The following CDA variants were observed in gnomAD, a reference collection of about 807,000 sequenced individuals.
The protein encoded by CDA is cytidine deaminase.
A neutral mutation model predicts 15.0 loss-of-function variants in CDA; 7 were observed. The observed-to-expected ratio is 0.47, with a 90% CI of 0.26 to 0.87. The LOEUF (loss-of-function observed/expected upper bound fraction) is 0.87. Ranked by LOEUF, CDA falls within the 40% of genes least tolerant of loss-of-function variation. The pLI, the probability that CDA is intolerant of heterozygous loss-of-function variation, is 0.15. For synonymous variants in CDA, 58 were observed against 73.0 expected, an observed-to-expected ratio of 0.79 and a Z score of 1.05; for missense variants, 159 against 182.7, an observed-to-expected ratio of 0.87 and a Z score of 0.75.
rs528943774 is a variant in CDA, at chr1:20,605,290, C to T, written c.266+251C>T. On this transcript the variant is annotated intron_variant, in intron 2 of 3. Transcript: ENST00000375071. ...CTCTCATACAAGGGCCAGTATGCCC[C>T]TGTTCCAGCAACACAACGTGATACA... Among the ~76,000 whole-genome samples the T allele has an allele frequency of 1.3e-4, 20 of 152,160 alleles. 1 individual carries two copies. The South Asian group carries it at 4.2e-3, about 32-fold the overall frequency.
intron 1 of CDA, among the ~76,000 whole-genome samples, chr1:20,600,110 G>GT (rs1415034269): frequency 2.6e-5 from 4 of 152,146 alleles, no homozygotes; most frequent in African/African-American, 9.7e-5. Context: ...CCTATTACAT[G>GT]TTTTACACAA....
At position 20,618,514 on chromosome 1, in the gene CDA, C is replaced by A; in HGVS notation, c.387C>A (p.Val129=). The A allele has an allele frequency of 6.2e-7, 1 of 1,613,698 alleles. No individual in the cohort carries two copies. Among genetic ancestry groups the A allele is most frequent in the South Asian group, 1.1e-5 (1 of 91,066 alleles). Residue 129 remains valine, a synonymous_variant, in exon 4 of 4, where the codon GTC becomes GTA. Coordinates refer to ENST00000375071, the MANE Select transcript of CDA (RefSeq NM_001785.3). ...KPDGTYIVMT[V]QELLPSSFGP... The stretch of plus-strand genomic sequence containing the variant: ...ATGGTACGTATATTGTCATGACGGT[C>A]CAGGAGCTGCTGCCCTCCTCCTTTG...
At position 20,589,098 on chromosome 1, in the gene CDA, C is replaced by T; in HGVS notation, c.-32C>T. The T allele has an allele frequency of 6.7e-7, 1 of 1,490,840 alleles. No homozygotes were observed. Among genetic ancestry groups the T allele is most frequent in the Non-Finnish European group, 8.9e-7 (1 of 1,125,726 alleles). 92.4% of individuals were successfully genotyped at this position (1,490,840 alleles called of 1,614,324 possible). On this transcript the variant is annotated 5_prime_UTR_variant, in exon 1 of 4. Transcript: ENST00000375071. ...CCAGGCTGGCCGGAGCTCCTGTTTC[C>T]CGCTGCTCTGCTGCCTGCCCGGGGT...
chr1:20,596,667 G>A (rs2052593720), intron 1 of CDA, among the ~76,000 whole-genome samples: 1 of 151,992 alleles, frequency 6.6e-6, no homozygotes, highest in Non-Finnish European at 1.5e-5. Flanking sequence ...TCAGAAAAGA[G>A]AGTGGGTGCA....
At chr1:20,605,164 C>T (rs1425766221) in intron 2 of CDA, 125 bp downstream of exon 2, 1 of 725,878 alleles carries the variant, frequency 1.4e-6, no homozygotes, top group Non-Finnish European at 2.5e-6. Flanking sequence ...ATGTGCCAGG[C>T]ACTGTACAGG....
intron 1 of CDA, among the ~76,000 whole-genome samples, chr1:20,594,767 C>T (rs1193340590): frequency 7.1e-5 from 10 of 141,478 alleles, no homozygotes; most frequent in African/African-American, 1.6e-4. Flanking sequence ...CCAGCCTGGG[C>T]GACAGAGCGA....
At chr1:20,591,955 T>C (rs987015466) in intron 1 of CDA, among the ~76,000 whole-genome samples, 9 of 151,868 alleles carry the variant, frequency 5.9e-5, no homozygotes, top group Non-Finnish European at 1.2e-4. Flanking sequence ...GCGATTCTCC[T>C]GCCTCAGCCT....
chr1:20,590,652 A>G (rs547880907), intron 1 of CDA, among the ~76,000 whole-genome samples: 1 of 152,258 alleles, frequency 6.6e-6, no homozygotes, highest in Admixed American at 6.5e-5. Flanking sequence ...CCACTTATGT[A>G]TCTGCCTCTC....
At chr1:20,594,788 C>CA (rs60698295) in intron 1 of CDA, among the ~76,000 whole-genome samples, 25,835 of 121,328 alleles carry the variant, frequency 0.21, 2,567 homozygotes, top group South Asian at 0.32. Context: ...GACGCCATCT[C>CA]AAAAAAAAAA....
At chr1:20,589,704 C>T (rs368358354) in intron 1 of CDA, among the ~76,000 whole-genome samples, 2 of 152,180 alleles carry the variant, frequency 1.3e-5, no homozygotes, top group East Asian at 1.9e-4. Flanking sequence ...GATGAAACTA[C>T]GGAGGTCTCG....
chr1:20,610,506 G>A (rs1365370297), intron 2 of CDA, among the ~76,000 whole-genome samples: 1 of 151,736 alleles, frequency 6.6e-6, no homozygotes, highest in African/African-American at 2.4e-5. Flanking sequence ...TCACCATGTT[G>A]GCCAGGCTGG....
chr1:20,611,874 G>T (rs1319582776), intron 2 of CDA, among the ~76,000 whole-genome samples: 1 of 151,108 alleles, frequency 6.6e-6, no homozygotes, highest in African/African-American at 2.4e-5. Flanking sequence ...TTGTTTGTTT[G>T]TTTTTTGAGA....
intron 2 of CDA, among the ~76,000 whole-genome samples, chr1:20,610,261 C>CTTTTTTTTTTTTTTTTTTTTTTTTTTTTT (rs760754305): frequency 7.9e-5 from 5 of 62,966 alleles, no homozygotes; most frequent in Admixed American, 4.5e-4. Context: ...CACACATTAT[C>CTTTTTTTTTTTTTTTTTTTTTTTTTTTTT]TTTTTTTTTT....
At chr1:20,613,503 C>A (rs2052773348) in intron 2 of CDA, among the ~76,000 whole-genome samples, 1 of 152,242 alleles carries the variant, frequency 6.6e-6, no homozygotes, top group South Asian at 2.1e-4. Flanking sequence ...CCAAGCCCAG[C>A]TGCATTTTGT....
At chr1:20,591,508 G>A (rs942528404) in intron 1 of CDA, among the ~76,000 whole-genome samples, 2 of 152,208 alleles carry the variant, frequency 1.3e-5, no homozygotes, top group African/African-American at 4.8e-5. Flanking sequence ...TAAGGTGCCA[G>A]GTGCTGGGGA....
chr1:20,599,141 G>A (rs1027143100), intron 1 of CDA, among the ~76,000 whole-genome samples: 1 of 152,190 alleles, frequency 6.6e-6, no homozygotes, highest in African/African-American at 2.4e-5. Flanking sequence ...GCGCAAAAGG[G>A]AAAGAGAGTT....
At chr1:20,600,418 G>C (rs2052632185) in intron 1 of CDA, among the ~76,000 whole-genome samples, 1 of 152,040 alleles carries the variant, frequency 6.6e-6, no homozygotes, top group Non-Finnish European at 1.5e-5. Flanking sequence ...GTGAAGGTGG[G>C]AGTGGTGAGC....
chr1:20,610,853 T>G (rs531291112), intron 2 of CDA, among the ~76,000 whole-genome samples: 1 of 152,282 alleles, frequency 6.6e-6, no homozygotes, highest in African/African-American at 2.4e-5. Flanking sequence ...TCATCCACAT[T>G]TTACAGCAAA....
In CDA at chr1:20,610,261, C is replaced by CTTTTTTTTTTTTTTTTT. The variant is rs760754305; in HGVS notation, c.267-3569_267-3568insTTTTTTTTTTTTTTTTT. Among the ~76,000 whole-genome samples, 8 of 62,974 alleles carry CTTTTTTTTTTTTTTTTT rather than the reference C, an allele frequency of 1.3e-4. 1 individual carries two copies. Among genetic ancestry groups the CTTTTTTTTTTTTTTTTT allele is most frequent in the Non-Finnish European group, 3.0e-4 (7 of 23,356 alleles). The allele number at this position is 62,974 out of a possible 152,430, so 41.3% of individuals were successfully genotyped here. On this transcript the variant is annotated intron_variant, in intron 2 of 3. Transcript: ENST00000375071. ...CTGGCACATTCTAGGCACACATTATCTTTTTTTTTTTTATTTTATTTTATT... is the reference window on the plus strand; with the variant it reads ...CTGGCACATTCTAGGCACACATTATCTTTTTTTTTTTTTTTTTTTTTTTTTTTTTATTTTATTTTATT...
Sources: allele counts gnomAD v4.1 joint callset (sites outside exome capture counted in the v4.1 genomes callset), GRCh38; gene constraint gnomAD v4.1.1; transcripts MANE v1.5; gene names NCBI Gene and HGNC (gene_info 2026-07-23, HGNC 2026-07-21).